The following IP6K1 variants were observed in gnomAD, a reference collection of about 807,000 sequenced individuals.
IP6K1 encodes the protein ATP:1D-myo-inositol-hexakisphosphate phosphotransferase.
Under a neutral mutation model 38.3 loss-of-function variants are expected in IP6K1, and 13 were observed. The observed-to-expected ratio is 0.34, with a 90% CI of 0.22 to 0.54. The LOEUF (loss-of-function observed/expected upper bound fraction) is 0.54, where lower values mean the gene tolerates loss of function less well. Ranked by LOEUF, IP6K1 falls within the 20% of genes least tolerant of loss-of-function variation. The pLI is 0.92. For synonymous variants in IP6K1, 212 were observed against 229.9 expected (o/e 0.92, Z 0.70); for missense variants, 397 against 599.8 (o/e 0.66, Z 3.53).
Position 49,727,022 on chromosome 3 carries a change from A to T in IP6K1, c.*100T>A. ...TTTAGTTTACACCAAAGAGAAATAT[A>T]ACCCTTTAAAAGCAAGTCTGTGTGT... On this transcript the variant is annotated 3_prime_UTR_variant, in exon 6 of 6. Coordinates refer to ENST00000321599, the MANE Select transcript of IP6K1 (RefSeq NM_153273.4). This position sits in a 1 kb window ranked among gnomAD's most constrained non-coding sequence, Gnocchi z 5.9. The T allele has an allele frequency of 8.6e-7, 1 of 1,161,728 alleles. No individual in the cohort carries two copies. Among genetic ancestry groups the T allele is most frequent in the Non-Finnish European group, 1.2e-6 (1 of 815,010 alleles). The allele number at this position is 1,161,728 out of a possible 1,614,324, so 72.0% of individuals were successfully genotyped here.
chr3:49,773,597 C>T (rs1219936133), intron 1 of IP6K1, among the ~76,000 whole-genome samples: 1 of 152,112 alleles, frequency 6.6e-6, no homozygotes, highest in African/African-American at 2.4e-5. Flanking sequence ...CCAGCCTGGG[C>T]AACAGAGCAA....
At chr3:49,739,316 ATTTCT>A (rs1182289584) in intron 2 of IP6K1, among the ~76,000 whole-genome samples, 4 of 148,892 alleles carry the variant, frequency 2.7e-5, no homozygotes, top group Admixed American at 1.3e-4. Context: ...TGTTTTGTCA[ATTTCT>A]TTTATGTTGT....
At chr3:49,729,299 CTAAA>C (rs1326130523) in intron 4 of IP6K1, among the ~76,000 whole-genome samples, 1 of 152,102 alleles carries the variant, frequency 6.6e-6, no homozygotes, top group Non-Finnish European at 1.5e-5. Context: ...CTTTTTCTGG[CTAAA>C]TAATTTTCCA....
rs762693083 is a variant in IP6K1 at position 49,727,472 on chromosome 3, C to A, written c.976G>T (p.Ala326Ser). Residue 326 changes from alanine to serine, a missense_variant, in exon 6 of 6, where the codon GCC (alanine) becomes TCC (serine). Ala to Ser is a moderately conservative substitution (Grantham distance 99, BLOSUM62 1). Around this residue, in one of 3 missense-constraint regions of IP6K1, gnomAD observed 164 missense variants for 213.5 expected, o/e 0.77. Transcript: ENST00000321599. The surrounding 1 kb of genome is among the most constrained non-coding windows in gnomAD (Gnocchi z 5.9). Reference sequence around the variant, plus strand: ...GAACTGGAGTAGAAGCGGTAAGAGGCCTGCCGCTCCAGCACAGCTTTCAGG... The same window carrying A: ...GAACTGGAGTAGAAGCGGTAAGAGGACTGCCGCTCCAGCACAGCTTTCAGG... ...RGLKAVLERQ[A>S]SYRFYSSSLL... 2 of 1,614,148 alleles carry A rather than the reference C, an allele frequency of 1.2e-6. No individual in the cohort carries two copies. The highest frequency in any genetic ancestry group is 1.7e-6 in the Non-Finnish European group (2 of 1,180,034).
chr3:49,740,313 T>C (rs1166376292), intron 2 of IP6K1, among the ~76,000 whole-genome samples: 2 of 145,120 alleles, frequency 1.4e-5, no homozygotes, highest in Non-Finnish European at 3.0e-5. Flanking sequence ...CAAACAATCC[T>C]CTTGCCTTCG....
intron 1 of IP6K1, among the ~76,000 whole-genome samples, chr3:49,753,211 T>G (rs769166529): frequency 6.6e-6 from 1 of 152,238 alleles, no homozygotes; most frequent in Non-Finnish European, 1.5e-5. Context: ...GCCTTCATGA[T>G]GTTCCTCAAA....
intron 1 of IP6K1, among the ~76,000 whole-genome samples, chr3:49,774,407 CAAAA>C (rs777187857): frequency 1.5e-3 from 66 of 44,296 alleles, no homozygotes; most frequent in African/African-American, 3.7e-3. Context: ...GACTCCATCT[CAAAA>C]AAAAAAAAAA....
chr3:49,766,821 C>T (rs983255332), intron 1 of IP6K1, among the ~76,000 whole-genome samples: 15 of 146,606 alleles, frequency 1.0e-4, no homozygotes, highest in African/African-American at 3.0e-4. Context: ...CAAAAATTAG[C>T]GGGCATGGTG....
At chr3:49,735,561 C>G (rs769180958) in intron 3 of IP6K1, among the ~76,000 whole-genome samples, 16 of 152,130 alleles carry the variant, frequency 1.1e-4, no homozygotes, top group Admixed American at 2.6e-4. Context: ...GCCATCTGTC[C>G]AAAGAACGTT....
intron 1 of IP6K1, among the ~76,000 whole-genome samples, chr3:49,781,723 C>T (rs2081067368): frequency 6.6e-6 from 1 of 152,158 alleles, no homozygotes; most frequent in African/African-American, 2.4e-5. Context: ...CATCAGATCT[C>T]ATCCCATAAG....
intron 2 of IP6K1, among the ~76,000 whole-genome samples, chr3:49,741,641 C>G (rs917133975): frequency 6.6e-6 from 1 of 152,060 alleles, no homozygotes; most frequent in African/African-American, 2.4e-5. Context: ...TTTAACAGTC[C>G]CAAACACTTT....
chr3:49,742,505 C>T (rs902424733), intron 2 of IP6K1, among the ~76,000 whole-genome samples: 3 of 150,156 alleles, frequency 2.0e-5, no homozygotes, highest in Admixed American at 1.3e-4. Context: ...GCCAAGATCG[C>T]GCCACTGCAC....
chr3:49,771,866 T>G (rs1473224334), intron 1 of IP6K1, among the ~76,000 whole-genome samples: 5 of 152,170 alleles, frequency 3.3e-5, no homozygotes, highest in Non-Finnish European at 7.3e-5. Context: ...AATAAACTAC[T>G]GATACAGACA....
chr3:49,766,043 G>A (rs1189828681), intron 1 of IP6K1, among the ~76,000 whole-genome samples: 1 of 152,102 alleles, frequency 6.6e-6, no homozygotes, highest in Non-Finnish European at 1.5e-5. Context: ...AGGTGTGGTG[G>A]CGGGCGCCTG....
intron 4 of IP6K1, among the ~76,000 whole-genome samples, chr3:49,731,613 A>C (rs1160983417): frequency 2.0e-5 from 3 of 152,130 alleles, no homozygotes; most frequent in Admixed American, 1.3e-4. Context: ...TTCCTTCCTC[A>C]AAAGATTGCT....
intron 1 of IP6K1, among the ~76,000 whole-genome samples, chr3:49,776,853 T>C (rs565227381): frequency 1.3e-5 from 2 of 152,336 alleles, no homozygotes; most frequent in African/African-American, 4.8e-5. Flanking sequence ...TCTACAGTGA[T>C]AGAAAGATTG....
chr3:49,783,007 C>T (rs2081079954), intron 1 of IP6K1, among the ~76,000 whole-genome samples: 1 of 150,994 alleles, frequency 6.6e-6, no homozygotes. Context: ...GTAGTCCCAG[C>T]TACTCGGGAG....
intron 1 of IP6K1, among the ~76,000 whole-genome samples, chr3:49,777,590 T>C (rs911118969): frequency 6.8e-6 from 1 of 146,940 alleles, no homozygotes; most frequent in Admixed American, 6.8e-5. Flanking sequence ...AGAAAAATTA[T>C]ACCACAATAA....
At chr3:49,773,849 GTCTTTA>G (rs2080981860) in intron 1 of IP6K1, among the ~76,000 whole-genome samples, 1 of 152,028 alleles carries the variant, frequency 6.6e-6, no homozygotes, top group Non-Finnish European at 1.5e-5. Context: ...TTGAGCATAA[GTCTTTA>G]TAAATAAGTT....
Sources: allele counts gnomAD v4.1 joint callset (sites outside exome capture counted in the v4.1 genomes callset), GRCh38; gene constraint gnomAD v4.1.1; regional missense constraint gnomAD v4.1.1; non-coding constraint Gnocchi (gnomAD v3.1); transcripts MANE v1.5; gene names NCBI Gene and HGNC (gene_info 2026-07-23, HGNC 2026-07-21).